MTMR6: variants seen among roughly 807,000 people sequenced by gnomAD.
The protein encoded by MTMR6 is myotubularin related protein 6, also known as phosphatidylinositol-3,5-bisphosphate 3-phosphatase MTMR6.
In MTMR6, 47 loss-of-function variants were observed where a neutral mutation model predicts 80.1. That is an observed-to-expected ratio of 0.59 (90% confidence interval 0.46 to 0.75). The LOEUF is 0.75. MTMR6 is among the 30% of genes least tolerant of loss of function. The probability of loss-of-function intolerance (pLI) is 0.00; values close to 1 mark genes in which losing one functional copy is unlikely to be tolerated. For missense variants in MTMR6, 629 were observed against 730.9 expected (o/e 0.86, Z 1.61); for synonymous variants, 254 against 253.0 (o/e 1.00, Z -0.04).
chr13:25,272,168 A>C (rs1042885274), intron 2 of MTMR6, among the ~76,000 whole-genome samples: 1 of 152,244 alleles, frequency 6.6e-6, no homozygotes, highest in Admixed American at 6.5e-5. Context: ...TCCCAGATGT[A>C]TTAACAACTT....
intron 1 of MTMR6, among the ~76,000 whole-genome samples, chr13:25,286,226 T>C (rs1026286991): frequency 6.6e-6 from 1 of 152,198 alleles, no homozygotes; most frequent in African/African-American, 2.4e-5. Flanking sequence ...TGTGAAACAT[T>C]TAAAAAATTT....
chr13:25,287,409 GT>G lies in MTMR6; in HGVS notation c.-163del, dbSNP rs1476302996. ...GGCGTCAACGGCGCAGGTGCAGCCG[GT>G]GAGCGCCGTCTCCTAGAAACACTTC... On this transcript the variant is annotated 5_prime_UTR_variant, in exon 1 of 14. Coordinates refer to ENST00000381801, the MANE Select transcript of MTMR6 (RefSeq NM_004685.5). 1.1e-6 allele frequency: 1 copy of G among 884,232 alleles called. No homozygotes were observed. The highest frequency in any genetic ancestry group is 2.2e-5 in the Admixed American group (1 of 46,080). The allele number at this position is 884,232 out of a possible 1,614,324, so 54.8% of individuals were successfully genotyped here. A position where few individuals can be genotyped will look rare whatever the true frequency, so the allele number is the denominator to read the frequency against.
At chr13:25,250,064 G>T (rs1465392169) in intron 13 of MTMR6, among the ~76,000 whole-genome samples, 1 of 152,036 alleles carries the variant, frequency 6.6e-6, no homozygotes, top group African/African-American at 2.4e-5. Flanking sequence ...TATTATCCTG[G>T]ACTTGCCTCT....
rs1326637156 is a variant in MTMR6 at position 25,287,461 on chromosome 13, A to C, written c.-214T>G. On this transcript the variant is annotated 5_prime_UTR_variant, in exon 1 of 14. Transcript: ENST00000381801. The stretch of plus-strand genomic sequence containing the variant: ...CCCAAACCCCGCGGCCTCCCGGGGG[A>C]CTCGGGGCAGGCAGACAGAGCGTGT... 2 of 611,312 alleles carry C rather than the reference A, an allele frequency of 3.3e-6. No homozygotes were observed. Among genetic ancestry groups the C allele is most frequent in the Non-Finnish European group, 5.8e-6 (2 of 342,990 alleles). 37.9% of individuals were successfully genotyped at this position (611,312 alleles called of 1,614,324 possible). A position where few individuals can be genotyped will look rare whatever the true frequency, so the allele number is the denominator to read the frequency against.
At chr13:25,262,785 T>C (rs1957368404) in intron 5 of MTMR6, among the ~76,000 whole-genome samples, 1 of 152,226 alleles carries the variant, frequency 6.6e-6, no homozygotes, top group Admixed American at 6.5e-5. Context: ...ACTCACAAAA[T>C]AAAACCACGA....
At chr13:25,268,443 G>C (rs1041271526) in intron 2 of MTMR6, among the ~76,000 whole-genome samples, 31 of 151,080 alleles carry the variant, frequency 2.1e-4, no homozygotes, top group Non-Finnish European at 8.9e-5. Context: ...CCTTCTTTTG[G>C]CTCCTCAAAT....
At chr13:25,262,429 G>A (rs1157763139) in intron 5 of MTMR6, among the ~76,000 whole-genome samples, 10 of 152,162 alleles carry the variant, frequency 6.6e-5, no homozygotes, top group East Asian at 3.9e-4. Context: ...ATGCAGTGGC[G>A]TGATCACAGC....
At chr13:25,272,066 G>A (rs1424647875) in intron 2 of MTMR6, among the ~76,000 whole-genome samples, 1 of 152,150 alleles carries the variant, frequency 6.6e-6, no homozygotes, top group African/African-American at 2.4e-5. Context: ...TGGTACTAAA[G>A]ACGAATGGAA....
chr13:25,264,637 C>T (rs1380128452), intron 5 of MTMR6, among the ~76,000 whole-genome samples: 1 of 151,436 alleles, frequency 6.6e-6, no homozygotes, highest in Non-Finnish European at 1.5e-5. Flanking sequence ...CGCCTGTAGT[C>T]CCAGCTACTC....
chr13:25,249,174 C>T lies in MTMR6; in HGVS notation c.*58G>A. The T allele has an allele frequency of 6.4e-7, 1 of 1,564,192 alleles. No homozygotes were observed. Among genetic ancestry groups the T allele is most frequent in the Non-Finnish European group, 8.7e-7 (1 of 1,150,354 alleles). On this transcript the variant is annotated 3_prime_UTR_variant, in exon 14 of 14. Coordinates refer to ENST00000381801, the MANE Select transcript of MTMR6 (RefSeq NM_004685.5). ...ATTCCTTTTGGTTATGCTTACAGAC[C>T]ATCCTCACAATAATCCTTTTCTTGT... is the stretch of plus-strand genomic sequence containing the variant.
At chr13:25,277,793 C>T (rs80327264) in intron 1 of MTMR6, among the ~76,000 whole-genome samples, 1,640 of 152,224 alleles carry the variant, frequency 0.011, 30 homozygotes, top group African/African-American at 0.037. Flanking sequence ...CTCCATCATT[C>T]GATTAGAATA....
intron 5 of MTMR6, among the ~76,000 whole-genome samples, chr13:25,262,519 C>T (rs935738534): frequency 2.0e-5 from 3 of 152,018 alleles, no homozygotes; most frequent in Admixed American, 6.6e-5. Flanking sequence ...AGGAACACAC[C>T]ACCACGCCTG....
At chr13:25,253,163 A>G (rs1957125665) in intron 11 of MTMR6, among the ~76,000 whole-genome samples, 1 of 152,186 alleles carries the variant, frequency 6.6e-6, no homozygotes, top group African/African-American at 2.4e-5. Flanking sequence ...AACATGAACT[A>G]GGGTCAAGTA....
At chr13:25,267,329 C>T (rs527622452) in intron 3 of MTMR6, among the ~76,000 whole-genome samples, 2 of 151,886 alleles carry the variant, frequency 1.3e-5, no homozygotes, top group South Asian at 4.2e-4. Context: ...TTCACCCTCT[C>T]TTGTTTCTCT....
intron 13 of MTMR6, among the ~76,000 whole-genome samples, chr13:25,250,821 G>A (rs954841578): frequency 2.0e-5 from 3 of 151,934 alleles, no homozygotes; most frequent in African/African-American, 7.3e-5. Flanking sequence ...CAGAGTGAAG[G>A]GTATATTGGC....
chr13:25,257,053 C>A (rs1319159131), intron 9 of MTMR6, 143 bp downstream of exon 9: 1 of 889,576 alleles, frequency 1.1e-6, no homozygotes. Context: ...GTTTAGTTAG[C>A]AATATCCCTG....
intron 8 of MTMR6, among the ~76,000 whole-genome samples, 158 bp downstream of exon 8, chr13:25,257,578 C>T (rs1263505912): frequency 1.3e-5 from 2 of 151,242 alleles, no homozygotes; most frequent in African/African-American, 4.8e-5. Flanking sequence ...TTAAGTGCTA[C>T]ATGATATTTT....
chr13:25,266,166 G>C lies in MTMR6; in HGVS notation c.425C>G (p.Ser142Ter). 6.2e-7 allele frequency: 1 copy of C among 1,614,046 alleles called. No homozygotes were observed. ...EEYKRMGVPN[S>*]HWQLSDANRD... ...GTTGGCATCAGACAACTGCCAGTGT[G>C]AGTTTGGCACTCCCATCCTCTTATA... The change falls in exon 4 of 14, where the codon TCA becomes TGA. Residue 142 changes from serine (S) to a stop codon, truncating the protein, a stop_gained. Transcript: ENST00000381801. LOFTEE classifies it high-confidence loss of function.
intron 11 of MTMR6, among the ~76,000 whole-genome samples, chr13:25,252,611 C>T (rs1957115616): frequency 6.6e-6 from 1 of 152,156 alleles, no homozygotes; most frequent in Non-Finnish European, 1.5e-5. Context: ...CCTAAGATGA[C>T]CCATAGGTGT....
Sources: gnomAD v4.1 joint callset for allele counts (sites outside exome capture counted in the v4.1 genomes callset) on GRCh38, gnomAD v4.1.1 for gene constraint, MANE v1.5 for transcripts, NCBI Gene and HGNC (gene_info 2026-07-23, HGNC 2026-07-21) for gene names.